Variants in ZNF366 observed in about 807,000 individuals in gnomAD.
ZNF366 encodes dendritic cell-specific transcript protein.
Under a neutral mutation model 47.2 loss-of-function variants are expected in ZNF366, and 20 were observed. That is an observed-to-expected ratio of 0.42 (90% CI 0.30 to 0.62). The LOEUF (loss-of-function observed/expected upper bound fraction) is 0.62. ZNF366 is among the 20% of genes least tolerant of loss of function. ZNF366 has a pLI of 0.16. For missense variants in ZNF366, 987 were observed against 976.3 expected (o/e 1.01, Z -0.15); for synonymous variants, 421 against 395.1 (o/e 1.07, Z -0.78).
At chr5:72,463,621 C>A (rs563096429) in intron 1 of ZNF366, among the ~76,000 whole-genome samples, 2 of 152,124 alleles carry the variant, frequency 1.3e-5, no homozygotes, top group Non-Finnish European at 2.9e-5. Context: ...TAGGAAGTGA[C>A]AAGGGCAGTG....
At chr5:72,485,783 A>G (rs527339861) in intron 1 of ZNF366, among the ~76,000 whole-genome samples, 2 of 151,738 alleles carry the variant, frequency 1.3e-5, no homozygotes, top group Admixed American at 1.3e-4. Context: ...TCTCCCTGTT[A>G]CTCCTATGAT....
intron 3 of ZNF366, among the ~76,000 whole-genome samples, chr5:72,452,434 G>A (rs1468972640): frequency 1.3e-5 from 2 of 152,206 alleles, no homozygotes; most frequent in African/African-American, 2.4e-5. Context: ...CTTCTGCTGA[G>A]GAGGGCTTTG....
In ZNF366 at chr5:72,443,650, G is replaced by T; in HGVS notation, c.*106C>A. 1 of 1,228,924 alleles carries T rather than the reference G, an allele frequency of 8.1e-7. No individual in the cohort carries two copies. The highest frequency in any genetic ancestry group is 1.1e-6 in the Non-Finnish European group (1 of 894,820). 76.1% of individuals were successfully genotyped at this position (1,228,924 alleles called of 1,614,324 possible). On this transcript the variant is annotated 3_prime_UTR_variant, in exon 5 of 5. Transcript: ENST00000318442. ...GCTCATTTAGTCTAAGCCATTTGTA[G>T]AGATTGGTACTATTCGCCAGTCTCC...
chr5:72,488,836 C>T lies in ZNF366; in HGVS notation c.-15+18415G>A, dbSNP rs1301194546. On this transcript the variant is annotated intron_variant, in intron 1 of 4. Transcript: ENST00000318442. The stretch of plus-strand genomic sequence containing the variant: ...GAGCTCAGAAGCTGACATCACAAAA[C>T]CTGGCCTTGAAAGCCAGCTCCATCA... 2.0e-5 allele frequency among the ~76,000 whole-genome samples: 3 copies of T among 152,354 alleles called. No homozygotes were observed. In the East Asian group the frequency reaches 5.8e-4, roughly 29 times the overall value.
intron 1 of ZNF366, among the ~76,000 whole-genome samples, chr5:72,471,119 A>T (rs1439590076): frequency 6.6e-6 from 1 of 152,196 alleles, no homozygotes; most frequent in African/African-American, 2.4e-5. Context: ...CTGACTCAAT[A>T]GCTGCAGATT....
chr5:72,462,682 C>G (rs10474067), intron 1 of ZNF366, among the ~76,000 whole-genome samples: 27,543 of 151,466 alleles, frequency 0.18, 2,700 homozygotes, highest in East Asian at 0.43. Flanking sequence ...TCCTGAGTAG[C>G]TGAGATTACA....
intron 1 of ZNF366, among the ~76,000 whole-genome samples, chr5:72,466,201 G>C (rs966098634): frequency 6.6e-6 from 1 of 151,882 alleles, no homozygotes; most frequent in Admixed American, 6.6e-5. Context: ...CGCTCAAAAA[G>C]GCTATGGATA....
chr5:72,484,762 G>A (rs1417901624), intron 1 of ZNF366, among the ~76,000 whole-genome samples: 1 of 152,206 alleles, frequency 6.6e-6, no homozygotes, highest in Non-Finnish European at 1.5e-5. Flanking sequence ...GAAAGGGTAA[G>A]TACCCATTAC....
chr5:72,468,547 A>G lies in ZNF366; in HGVS notation c.-14-7037T>C, dbSNP rs73763726. The stretch of plus-strand genomic sequence containing the variant: ...TCAAGTTTAGTTGTGTATTGTTTAA[A>G]TTGTCCATAATGAACATGCATATTT... On this transcript the variant is annotated intron_variant, in intron 1 of 4. Transcript: ENST00000318442. 7.0e-3 allele frequency among the ~76,000 whole-genome samples: 1,067 copies of G among 152,350 alleles called. 15 individuals carry two copies. The highest frequency in any genetic ancestry group is 0.024 in the African/African-American group (995 of 41,582).
intron 1 of ZNF366, among the ~76,000 whole-genome samples, chr5:72,496,727 GGTAGTACCC>G (rs892311378): frequency 1.3e-5 from 2 of 152,164 alleles, no homozygotes; most frequent in Non-Finnish European, 2.9e-5. Flanking sequence ...TTTGCAAAGA[GGTAGTACCC>G]TTTTACATTC....
chr5:72,487,701 G>A (rs1298323109), intron 1 of ZNF366, among the ~76,000 whole-genome samples: 2 of 152,176 alleles, frequency 1.3e-5, no homozygotes, highest in Non-Finnish European at 2.9e-5. Context: ...AGATGGGGAA[G>A]GCTTAAGCTC....
chr5:72,482,978 G>T (rs1252609266), intron 1 of ZNF366, among the ~76,000 whole-genome samples: 5 of 152,008 alleles, frequency 3.3e-5, no homozygotes. Context: ...TTTTTTGGCT[G>T]ATGAAAATGC....
chr5:72,459,886 C>T (rs1743265711), intron 2 of ZNF366, among the ~76,000 whole-genome samples: 1 of 152,216 alleles, frequency 6.6e-6, no homozygotes, highest in Non-Finnish European at 1.5e-5. Context: ...AGGGAGCATC[C>T]TTCCTCATCT....
chr5:72,445,206 G>A (rs1172487084), intron 4 of ZNF366, among the ~76,000 whole-genome samples: 2 of 152,182 alleles, frequency 1.3e-5, no homozygotes, highest in Non-Finnish European at 2.9e-5. Flanking sequence ...CAGGGCTGTA[G>A]GGATGGGCTT....
chr5:72,453,427 C>T (rs916979169), intron 3 of ZNF366, among the ~76,000 whole-genome samples: 1 of 152,216 alleles, frequency 6.6e-6, no homozygotes, highest in African/African-American at 2.4e-5. Flanking sequence ...GCCAGCCAGC[C>T]ATGTCTCTCA....
At chr5:72,490,550 C>T (rs1743987059) in intron 1 of ZNF366, among the ~76,000 whole-genome samples, 1 of 152,134 alleles carries the variant, frequency 6.6e-6, no homozygotes, top group African/African-American at 2.4e-5. Flanking sequence ...GAGATTTGTA[C>T]TTAGCTTTCG....
intron 1 of ZNF366, among the ~76,000 whole-genome samples, chr5:72,471,420 T>G (rs1743560754): frequency 6.6e-6 from 1 of 152,226 alleles, no homozygotes; most frequent in African/African-American, 2.4e-5. Context: ...ATAAAATACA[T>G]GCACTTATCT....
intron 1 of ZNF366, among the ~76,000 whole-genome samples, chr5:72,478,577 C>CA (rs1332231022): frequency 6.6e-6 from 1 of 152,180 alleles, no homozygotes; most frequent in African/African-American, 2.4e-5. Flanking sequence ...TTGCTTAACT[C>CA]AGTCACTGAG....
chr5:72,506,695 G>A (rs1744324034), intron 1 of ZNF366, among the ~76,000 whole-genome samples: 5 of 152,196 alleles, frequency 3.3e-5, no homozygotes, highest in Admixed American at 3.3e-4. Flanking sequence ...CTCCCCACAT[G>A]CAGAACTATT....
Sources: gnomAD v4.1 joint callset for allele counts (sites outside exome capture counted in the v4.1 genomes callset) on GRCh38, gnomAD v4.1.1 for gene constraint, MANE v1.5 for transcripts, NCBI Gene and HGNC (gene_info 2026-07-23, HGNC 2026-07-21) for gene names.